Variants in RPS6KC1 observed in about 807,000 individuals in gnomAD.
RPS6KC1 encodes the protein ribosomal protein S6 kinase C1, also known as inactive ribosomal protein S6 kinase delta-1.
A neutral mutation model predicts 103.8 loss-of-function variants in RPS6KC1; 54 were observed. The observed-to-expected ratio is 0.52, with a 90% CI of 0.42 to 0.65. The LOEUF (loss-of-function observed/expected upper bound fraction) is 0.65, where lower values mean the gene tolerates loss of function less well. RPS6KC1 is among the 30% of genes least tolerant of loss of function. The pLI, the probability that RPS6KC1 is intolerant of heterozygous loss-of-function variation, is 0.00. For synonymous variants in RPS6KC1, 439 were observed against 438.7 expected, an observed-to-expected ratio of 1.00 and a Z score of -0.01; for missense variants, 1,151 against 1,253.8, an observed-to-expected ratio of 0.92 and a Z score of 1.24.
At chr1:213,479,189 C>T in the RPS6KC1 span, among the ~76,000 whole-genome samples, 1 of 151,948 alleles carries the variant, frequency 6.6e-6, no homozygotes, top group Non-Finnish European at 1.5e-5. Context: ...TACTTATTAA[C>T]GAAGCTTCAG....
intron 6 of RPS6KC1, among the ~76,000 whole-genome samples, chr1:213,134,368 C>G (rs1301092166): frequency 6.6e-6 from 1 of 151,450 alleles, no homozygotes; most frequent in Non-Finnish European, 1.5e-5. Context: ...ACCTCCTTTC[C>G]TCTCCTCTTC....
At chr1:213,725,133 C>T in the RPS6KC1 span, among the ~76,000 whole-genome samples, 2 of 152,194 alleles carry the variant, frequency 1.3e-5, no homozygotes, top group African/African-American at 2.4e-5. Context: ...TTCCAACAAG[C>T]GACTGCCAAC....
the RPS6KC1 span, among the ~76,000 whole-genome samples, chr1:213,448,737 C>T: frequency 6.7e-6 from 1 of 149,598 alleles, no homozygotes; most frequent in South Asian, 2.1e-4. Flanking sequence ...TTTTCAATCT[C>T]CATCTCTTGG....
the RPS6KC1 span, among the ~76,000 whole-genome samples, chr1:213,539,529 G>A: frequency 2.6e-5 from 4 of 152,338 alleles, no homozygotes; most frequent in Middle Eastern, 6.8e-3. Context: ...TGCCTGTGGT[G>A]TCCTCACAGA....
At chr1:213,816,601 C>G in the RPS6KC1 span, among the ~76,000 whole-genome samples, 100 of 152,148 alleles carry the variant, frequency 6.6e-4, no homozygotes, top group African/African-American at 2.4e-3. Flanking sequence ...ATCTGTGAAC[C>G]CAGCAATCAG....
the RPS6KC1 span, among the ~76,000 whole-genome samples, chr1:213,381,873 G>T: frequency 6.6e-6 from 1 of 152,292 alleles, no homozygotes; most frequent in East Asian, 1.9e-4. Context: ...GGGGAGACTT[G>T]CAGCGAGCTG....
chr1:213,518,185 A>G, the RPS6KC1 span, among the ~76,000 whole-genome samples: 1 of 152,334 alleles, frequency 6.6e-6, no homozygotes, highest in South Asian at 2.1e-4. Flanking sequence ...TGTTGTCGTC[A>G]TAATGGGTTT....
At chr1:213,656,860 T>A in the RPS6KC1 span, among the ~76,000 whole-genome samples, 1 of 152,238 alleles carries the variant, frequency 6.6e-6, no homozygotes, top group Non-Finnish European at 1.5e-5. Context: ...TCCTTATAGA[T>A]GTATTTTCTG....
chr1:213,537,034 G>A, the RPS6KC1 span, among the ~76,000 whole-genome samples: 2 of 152,194 alleles, frequency 1.3e-5, no homozygotes, highest in Non-Finnish European at 2.9e-5. Flanking sequence ...CAGTGGCAGT[G>A]GACTGGACAG....
In RPS6KC1 at chr1:213,218,398, A is replaced by T. The variant is rs529256387; in HGVS notation, c.1045-12099A>T. Among the ~76,000 whole-genome samples, 639 of 152,296 alleles carry T rather than the reference A, an allele frequency of 4.2e-3. 3 individuals are homozygous for T. The highest frequency in any genetic ancestry group is 0.015 in the African/African-American group (603 of 41,552). On this transcript the variant is annotated intron_variant, in intron 8 of 14. Transcript: ENST00000366960. ...ATACAAACAAATGGAAGAACATTCC[A>T]TGCTCATGGGTAGGAAGAATCAATA...
chr1:213,788,228 G>A, the RPS6KC1 span, among the ~76,000 whole-genome samples: 1 of 152,174 alleles, frequency 6.6e-6, no homozygotes, highest in Non-Finnish European at 1.5e-5. Context: ...TACTGAAGAT[G>A]CAGCCTAGGG....
the RPS6KC1 span, among the ~76,000 whole-genome samples, chr1:213,850,427 G>A: frequency 1.8e-4 from 27 of 152,242 alleles, no homozygotes; most frequent in East Asian, 1.9e-4. Context: ...CTGGCCTGCC[G>A]CTTAGGACTC....
At chr1:213,621,506 G>A in the RPS6KC1 span, among the ~76,000 whole-genome samples, 1 of 152,090 alleles carries the variant, frequency 6.6e-6, no homozygotes, top group Non-Finnish European at 1.5e-5. Flanking sequence ...AGCTTAGTTG[G>A]TGAAGGTGAA....
chr1:213,758,622 C>A, the RPS6KC1 span, among the ~76,000 whole-genome samples: 1 of 151,318 alleles, frequency 6.6e-6, no homozygotes, highest in East Asian at 1.9e-4. Context: ...GAAAGGAGGT[C>A]AAAATATCCA....
At chr1:213,152,618 G>C (rs1172672795) in intron 6 of RPS6KC1, among the ~76,000 whole-genome samples, 1 of 149,992 alleles carries the variant, frequency 6.7e-6, no homozygotes, top group Non-Finnish European at 1.5e-5. Context: ...CGGGGCAGAG[G>C]CGCTCCCCAC....
chr1:213,772,379 C>T, the RPS6KC1 span, among the ~76,000 whole-genome samples: 9 of 152,328 alleles, frequency 5.9e-5, no homozygotes, highest in Admixed American at 6.5e-5. Flanking sequence ...TTAACTCCCA[C>T]AATGTCGCAA....
At chr1:213,775,614 A>G in the RPS6KC1 span, among the ~76,000 whole-genome samples, 1 of 152,226 alleles carries the variant, frequency 6.6e-6, no homozygotes, top group Non-Finnish European at 1.5e-5. Context: ...GCACATCATA[A>G]TCTTTTTGCT....
chr1:213,686,165 G>T, the RPS6KC1 span, among the ~76,000 whole-genome samples: 21 of 152,184 alleles, frequency 1.4e-4, no homozygotes, highest in Non-Finnish European at 2.1e-4. Context: ...TACAAACAGA[G>T]AAATAAGATC....
At chr1:213,721,656 G>A in the RPS6KC1 span, among the ~76,000 whole-genome samples, 1 of 152,088 alleles carries the variant, frequency 6.6e-6, no homozygotes, top group Non-Finnish European at 1.5e-5. Context: ...TCTGCTCTGA[G>A]ACCAGCCCCA....
Sources: allele counts gnomAD v4.1 joint callset (sites outside exome capture counted in the v4.1 genomes callset), GRCh38; gene constraint gnomAD v4.1.1; transcripts MANE v1.5; gene names NCBI Gene and HGNC (gene_info 2026-07-23, HGNC 2026-07-21).